Variants in PTPRZ1 observed in about 807,000 individuals in gnomAD.
PTPRZ1 encodes the protein protein tyrosine phosphatase receptor type Z1, also known as receptor-type tyrosine-protein phosphatase zeta.
PTPRZ1 carries 82 observed loss-of-function variants against 214.1 expected under a neutral mutation model. The ratio of observed to expected loss-of-function variants is 0.38; its 90% CI spans 0.32 to 0.46. The LOEUF is 0.46. Ranked by LOEUF, PTPRZ1 falls within the 20% of genes least tolerant of loss-of-function variation. PTPRZ1 has a pLI of 1.00. For missense variants in PTPRZ1, 2,603 were observed against 2,748.7 expected (o/e 0.95, Z 1.19); for synonymous variants, 945 against 987.9 (o/e 0.96, Z 0.81).
rs557173703 is a variant in PTPRZ1, at chr7:121,949,077, T to C, written c.125-18874T>C. Among the ~76,000 whole-genome samples the C allele has an allele frequency of 1.1e-4, 17 of 152,070 alleles. No homozygotes were observed. The South Asian group carries it at 3.5e-3, about 32-fold the overall frequency. On this transcript the variant is annotated intron_variant, in intron 2 of 29. Coordinates refer to ENST00000393386, the MANE Select transcript of PTPRZ1 (RefSeq NM_002851.3). ...ATTCTAGGGAGACATAGGACATCAG[T>C]CAACACACACAAGATGAACATTGGT...
chr7:122,011,757 T>C lies in PTPRZ1; in HGVS notation c.2711T>C (p.Met904Thr). ...TCTGGTGTTCTTTATAAAACGCTTA[T>C]GTTTTCTCAAGTTGAACCACCCAGC... is the stretch of plus-strand genomic sequence containing the variant. ...SESGVLYKTL[M>T]FSQVEPPSSD... Residue 904 changes from methionine (M) to threonine (T), a missense_variant, in exon 12 of 30, where the codon ATG becomes ACG. Met to Thr is a moderately conservative substitution (Grantham distance 81). Transcript: ENST00000393386. 6.2e-7 allele frequency: 1 copy of C among 1,614,178 alleles called. No individual in the cohort carries two copies. The highest frequency in any genetic ancestry group is 8.5e-7 in the Non-Finnish European group (1 of 1,180,000).
At chr7:121,971,061 T>A (rs1441842103) in intron 3 of PTPRZ1, among the ~76,000 whole-genome samples, 1 of 152,202 alleles carries the variant, frequency 6.6e-6, no homozygotes, top group Non-Finnish European at 1.5e-5. Flanking sequence ...AAATAGGGAA[T>A]CGTTTCCCCA....
chr7:121,906,369 T>A (rs1795115375), intron 1 of PTPRZ1, among the ~76,000 whole-genome samples: 1 of 152,144 alleles, frequency 6.6e-6, no homozygotes, highest in Admixed American at 6.6e-5. Flanking sequence ...TTATTTTATG[T>A]TTGGTAGTAG....
chr7:121,949,625 A>G (rs1393790472), intron 2 of PTPRZ1, among the ~76,000 whole-genome samples: 2 of 152,186 alleles, frequency 1.3e-5, no homozygotes, highest in Non-Finnish European at 2.9e-5. Context: ...CATGAAAAAG[A>G]TAAGGCTCAG....
At chr7:121,880,376 A>G (rs1050658230) in intron 1 of PTPRZ1, among the ~76,000 whole-genome samples, 10 of 152,174 alleles carry the variant, frequency 6.6e-5, no homozygotes, top group Admixed American at 1.3e-4. Flanking sequence ...AATATCCATA[A>G]CTATGATGAG....
At chr7:121,938,552 G>A (rs1037345109) in intron 2 of PTPRZ1, among the ~76,000 whole-genome samples, 1 of 152,252 alleles carries the variant, frequency 6.6e-6, no homozygotes, top group Admixed American at 6.5e-5. Context: ...GAAATTGGGA[G>A]AGTGGAGCAC....
chr7:122,043,863 T>C (rs1268264903), intron 22 of PTPRZ1, among the ~76,000 whole-genome samples: 1 of 152,142 alleles, frequency 6.6e-6, no homozygotes, highest in Non-Finnish European at 1.5e-5. Context: ...CAAACCCCCA[T>C]GACACAAGTT....
chr7:122,005,050 A>G (rs536752585), intron 11 of PTPRZ1, among the ~76,000 whole-genome samples: 19 of 152,142 alleles, frequency 1.2e-4, no homozygotes, highest in Non-Finnish European at 2.4e-4. Context: ...TAAATAACCA[A>G]CGATTGATAG....
At chr7:121,995,254 A>G (rs188495157) in intron 8 of PTPRZ1, among the ~76,000 whole-genome samples, 163 of 152,290 alleles carry the variant, frequency 1.1e-3, no homozygotes, top group African/African-American at 3.5e-3. Context: ...TAATTGTTGT[A>G]TCAGTGATGA....
intron 2 of PTPRZ1, among the ~76,000 whole-genome samples, chr7:121,929,477 A>T (rs1333004416): frequency 6.7e-6 from 1 of 149,494 alleles, no homozygotes; most frequent in African/African-American, 2.5e-5. Flanking sequence ...GTGCTATAGA[A>T]TTATTGATAT....
intron 3 of PTPRZ1, among the ~76,000 whole-genome samples, chr7:121,972,139 G>C (rs1279206029): frequency 6.6e-6 from 1 of 151,296 alleles, no homozygotes; most frequent in African/African-American, 2.4e-5. Flanking sequence ...AGGAAGGTGA[G>C]AGAACTCTGA....
At chr7:121,968,603 C>A (rs934951726) in intron 3 of PTPRZ1, among the ~76,000 whole-genome samples, 1 of 149,818 alleles carries the variant, frequency 6.7e-6, no homozygotes, top group Non-Finnish European at 1.5e-5. Flanking sequence ...CCTTAGGAAA[C>A]CCTCTCTAAG....
chr7:121,947,978 G>C (rs1256548703), intron 2 of PTPRZ1, among the ~76,000 whole-genome samples: 3 of 152,010 alleles, frequency 2.0e-5, no homozygotes, highest in African/African-American at 7.2e-5. Context: ...CCATTTTAGT[G>C]ACCATATTTC....
At chr7:122,035,485 T>C (rs1445186508) in intron 17 of PTPRZ1, among the ~76,000 whole-genome samples, 5 of 152,226 alleles carry the variant, frequency 3.3e-5, no homozygotes, top group African/African-American at 1.2e-4. Flanking sequence ...GATGAACACC[T>C]ACCTACTATG....
Position 122,051,431 on chromosome 7 carries a change from C to G in PTPRZ1, c.6088C>G (p.Leu2030Val), listed in dbSNP as rs533645428. The G allele has an allele frequency of 2.9e-5, 46 of 1,611,982 alleles. No individual in the cohort carries two copies. The South Asian group carries it at 4.4e-4, about 15-fold the overall frequency. The stretch of plus-strand genomic sequence containing the variant: ...ATTTTTTTACTTTCTTGCCCAGCTC[C>G]TGAGCCAGTCAAATATACAGCAGAG... ...KTKLEKQFQL[L>V]SQSNIQQSDY... Residue 2030 changes from leucine (L) to valine (V), a missense_variant, in exon 24 of 30, where the codon CTG (leucine) becomes GTG (valine). Around this residue, in one of 6 missense-constraint regions of PTPRZ1, gnomAD observed 1,913 missense variants for 1,914.3 expected, o/e 1.00. Coordinates refer to ENST00000393386, the MANE Select transcript of PTPRZ1 (RefSeq NM_002851.3).
At chr7:121,969,333 G>A (rs900499311) in intron 3 of PTPRZ1, among the ~76,000 whole-genome samples, 12 of 152,128 alleles carry the variant, frequency 7.9e-5, no homozygotes, top group African/African-American at 2.4e-4. Flanking sequence ...AGGCCAAGGT[G>A]GGTGGATCAC....
At chr7:121,954,646 C>T (rs1796653185) in intron 2 of PTPRZ1, among the ~76,000 whole-genome samples, 1 of 152,198 alleles carries the variant, frequency 6.6e-6, no homozygotes, top group Admixed American at 6.5e-5. Context: ...TTGGTTCTCA[C>T]TAGAACATGA....
Position 122,058,896 on chromosome 7 carries a change from AAAG to A in PTPRZ1, c.6632_6634del (p.Glu2211del). 1 of 1,594,496 alleles carries A rather than the reference AAAG, an allele frequency of 6.3e-7. No homozygotes were observed. The highest frequency in any genetic ancestry group is 8.6e-7 in the Non-Finnish European group (1 of 1,162,398). On this transcript the variant is annotated inframe_deletion, in exon 28 of 30. Transcript: ENST00000393386. Reference sequence around the variant, plus strand: ...AACTTTTGAACTTATAAGTGTTATAAAAGAAGAAGCTGCCAATAGGGATGGGCC... The same window carrying A: ...AACTTTTGAACTTATAAGTGTTATAAAAGAAGCTGCCAATAGGGATGGGCC...
intron 1 of PTPRZ1, among the ~76,000 whole-genome samples, chr7:121,926,499 C>T (rs886823036): frequency 6.6e-6 from 1 of 151,972 alleles, no homozygotes; most frequent in African/African-American, 2.4e-5. Context: ...ACATGCTATG[C>T]CATGTATAAA....
Sources: gnomAD v4.1 joint callset for allele counts (sites outside exome capture counted in the v4.1 genomes callset) on GRCh38, gnomAD v4.1.1 for gene constraint, gnomAD v4.1.1 regional missense constraint, MANE v1.5 for transcripts, NCBI Gene and HGNC (gene_info 2026-07-23, HGNC 2026-07-21) for gene names.